ERG: variants seen among roughly 807,000 people sequenced by gnomAD.
The protein encoded by ERG is ETS transcription factor ERG.
ERG carries 9 observed loss-of-function variants against 55.3 expected under a neutral mutation model. That is an observed-to-expected ratio of 0.16 (90% CI 0.10 to 0.28). The LOEUF is 0.28. Ranked by LOEUF, ERG falls within the 10% of genes least tolerant of loss-of-function variation. The pLI is 1.00. For missense variants in ERG, 434 were observed against 631.6 expected, an observed-to-expected ratio of 0.69 and a Z score of 3.35; for synonymous variants, 223 against 237.3, an observed-to-expected ratio of 0.94 and a Z score of 0.55.
At chr21:38,451,281 A>G (rs1275055532) in intron 1 of ERG, 3 of 474,418 alleles carry the variant, frequency 6.3e-6, no homozygotes, top group South Asian at 1.5e-5. Context: ...ATGCTCTTCT[A>G]TGAGCCTAGG....
At chr21:38,388,975 T>C (rs915286696) in intron 9 of ERG, among the ~76,000 whole-genome samples, 1 of 152,224 alleles carries the variant, frequency 6.6e-6, no homozygotes, top group Non-Finnish European at 1.5e-5. Context: ...CATGGACATA[T>C]ATGTTTCATT....
chr21:38,441,903 A>G (rs1240777556), intron 2 of ERG, among the ~76,000 whole-genome samples: 3 of 152,232 alleles, frequency 2.0e-5, no homozygotes, highest in Non-Finnish European at 2.9e-5. Context: ...AGCACCTGCC[A>G]AACCGACATC....
At chr21:38,614,766 G>A (rs1277150019) in intron 1 of ERG, among the ~76,000 whole-genome samples, 5 of 152,202 alleles carry the variant, frequency 3.3e-5, no homozygotes, top group Non-Finnish European at 7.3e-5. Flanking sequence ...TCGGTGAGTT[G>A]GGAAGAAAAG....
intron 2 of ERG, among the ~76,000 whole-genome samples, chr21:38,440,103 C>T (rs533212603): frequency 9.2e-5 from 14 of 152,346 alleles, no homozygotes; most frequent in African/African-American, 2.2e-4. Flanking sequence ...ATTTGACTTA[C>T]GTAACTTCCC....
intron 1 of ERG, among the ~76,000 whole-genome samples, chr21:38,596,056 TGG>T (rs34886564): frequency 0.23 from 23,967 of 102,016 alleles, 2,186 homozygotes; most frequent in East Asian, 0.35. Flanking sequence ...GGTGTGGGAT[TGG>T]GGGGGGGGGG....
chr21:38,367,868 T>C, the ERG span, among the ~76,000 whole-genome samples: 1 of 152,226 alleles, frequency 6.6e-6, no homozygotes, highest in African/African-American at 2.4e-5. Flanking sequence ...TGAAACATCC[T>C]CTGCAGAGAA....
chr21:38,417,221 T>C (rs1989319350), intron 3 of ERG, among the ~76,000 whole-genome samples: 1 of 152,238 alleles, frequency 6.6e-6, no homozygotes. Context: ...ACACAAGTCA[T>C]GTAGCTTCAG....
At chr21:38,535,146 T>C (rs1401582411) in intron 2 of ERG, among the ~76,000 whole-genome samples, 1 of 151,992 alleles carries the variant, frequency 6.6e-6, no homozygotes, top group African/African-American at 2.4e-5. Flanking sequence ...AGATGAATCT[T>C]AAGGACATTA....
chr21:38,640,978 A>G (rs2060421272), intron 1 of ERG, among the ~76,000 whole-genome samples: 1 of 152,258 alleles, frequency 6.6e-6, no homozygotes, highest in Non-Finnish European at 1.5e-5. Flanking sequence ...CAACTAGAAT[A>G]GAACAGTGAT....
rs1048054600 is a variant in ERG at position 38,403,545 on chromosome 21, C to T, written c.553G>A (p.Ala185Thr). The change falls in exon 4 of 10, where the codon GCC becomes ACC. Residue 185 changes from alanine to threonine, a missense_variant. Physicochemically the swap from Ala to Thr is moderately conservative, Grantham distance 58. Transcript: ENST00000288319. ...DFQRLTPSYN[A>T]DILLSHLHYL... ...TGGAGATGTGAGAGAAGGATGTCGG[C>T]GTTGTAGCTGGGGGTGAGCCTCTGG... 1.2e-6 allele frequency: 2 copies of T among 1,614,036 alleles called. No individual in the cohort carries two copies. Among genetic ancestry groups the T allele is most frequent in the African/African-American group, 1.3e-5 (1 of 74,912 alleles).
At chr21:38,630,693 G>A (rs1254266469) in intron 1 of ERG, among the ~76,000 whole-genome samples, 1 of 152,196 alleles carries the variant, frequency 6.6e-6, no homozygotes, top group Non-Finnish European at 1.5e-5. Flanking sequence ...AACCAATCCT[G>A]CATAAGTTGA....
At chr21:38,488,129 T>C (rs1023903298) in intron 1 of ERG, among the ~76,000 whole-genome samples, 6 of 152,120 alleles carry the variant, frequency 3.9e-5, no homozygotes, top group African/African-American at 1.4e-4. Context: ...GTCCCAGACT[T>C]CCTGGGGTGA....
At chr21:38,473,043 C>T (rs1192575928) in intron 1 of ERG, among the ~76,000 whole-genome samples, 3 of 152,016 alleles carry the variant, frequency 2.0e-5, no homozygotes, top group African/African-American at 7.3e-5. Context: ...CTTCCGGGAC[C>T]TGCAAGACCA....
rs1987359212 is a variant in ERG at position 38,380,159 on chromosome 21, CA to C, written c.*3243del. 1.1e-5 allele frequency: 12 copies of C among 1,044,406 alleles called. No individual in the cohort carries two copies. The South Asian group carries it at 5.5e-4, about 48-fold the overall frequency. 64.7% of individuals were successfully genotyped at this position (1,044,406 alleles called of 1,614,324 possible). A position where few individuals can be genotyped will look rare whatever the true frequency, so the allele number is the denominator to read the frequency against. ...AAATATTTTCTTCTCTTTCTCCAGGCAATGGGTCACTTTGGGGCGCTGCAGA... is the reference window on the plus strand; with the variant it reads ...AAATATTTTCTTCTCTTTCTCCAGGCATGGGTCACTTTGGGGCGCTGCAGA... On this transcript the variant is annotated 3_prime_UTR_variant, in exon 10 of 10. Coordinates refer to ENST00000288319, the MANE Select transcript of ERG (RefSeq NM_182918.4).
intron 1 of ERG, among the ~76,000 whole-genome samples, chr21:38,659,163 A>C (rs1362888465): frequency 6.6e-6 from 1 of 152,216 alleles, no homozygotes; most frequent in African/African-American, 2.4e-5. Flanking sequence ...ATTGACCCAA[A>C]CCGAAGCTAG....
At chr21:38,443,066 C>T (rs1353173128) in intron 2 of ERG, among the ~76,000 whole-genome samples, 5 of 152,232 alleles carry the variant, frequency 3.3e-5, no homozygotes, top group Admixed American at 2.6e-4. Flanking sequence ...CTTGGCCTCC[C>T]AGAGTGCTGG....
intron 1 of ERG, among the ~76,000 whole-genome samples, chr21:38,623,912 A>C (rs2060308834): frequency 6.6e-6 from 1 of 152,202 alleles, no homozygotes. Flanking sequence ...TGAAGTTCAT[A>C]ATTTCCTCCC....
chr21:38,389,685 G>C (rs1472004169), intron 9 of ERG, among the ~76,000 whole-genome samples: 1 of 150,874 alleles, frequency 6.6e-6, no homozygotes, highest in Non-Finnish European at 1.5e-5. Flanking sequence ...TCTGTGTTTG[G>C]GACAATGTTG....
chr21:38,602,975 G>T (rs1179557540), intron 1 of ERG, among the ~76,000 whole-genome samples: 1 of 151,878 alleles, frequency 6.6e-6, no homozygotes, highest in Non-Finnish European at 1.5e-5. Context: ...CCAGGGTCCA[G>T]GCAAGAACAA....
Sources: gnomAD v4.1 joint callset for allele counts (sites outside exome capture counted in the v4.1 genomes callset) on GRCh38, gnomAD v4.1.1 for gene constraint, MANE v1.5 for transcripts, NCBI Gene and HGNC (gene_info 2026-07-23, HGNC 2026-07-21) for gene names.